The following CTNNA3 variants were observed in gnomAD, a reference collection of about 807,000 sequenced individuals.
CTNNA3 encodes catenin alpha 3, also known as catenin alpha-3.
A neutral mutation model predicts 95.7 loss-of-function variants in CTNNA3; 76 were observed. The ratio of observed to expected loss-of-function variants is 0.79; its 90% CI spans 0.66 to 0.96. CTNNA3 has a LOEUF of 0.96. Among genes scored for constraint, CTNNA3 ranks in the 40% least tolerant of loss-of-function variants. The pLI, the probability that CTNNA3 is intolerant of heterozygous loss-of-function variation, is 0.00. For synonymous variants in CTNNA3, 431 were observed against 374.4 expected, an observed-to-expected ratio of 1.15 and a Z score of -1.74; for missense variants, 1,191 against 1,089.8, an observed-to-expected ratio of 1.09 and a Z score of -1.31.
chr10:66,091,898 A>T (rs10822713), intron 14 of CTNNA3, among the ~76,000 whole-genome samples: 35,607 of 151,740 alleles, frequency 0.23, 4,322 homozygotes, highest in South Asian at 0.36. Flanking sequence ...GTTGCAAAAT[A>T]ATAATATAAA....
chr10:66,536,481 C>CAA (rs10676331), intron 10 of CTNNA3, among the ~76,000 whole-genome samples: 76,286 of 115,672 alleles, frequency 0.66, 26,254 homozygotes, highest in Non-Finnish European at 0.8. Flanking sequence ...GACTCTGTCT[C>CAA]AAAAAAAAAA....
chr10:66,339,787 A>G (rs1417389147), intron 12 of CTNNA3, among the ~76,000 whole-genome samples: 5 of 151,858 alleles, frequency 3.3e-5, no homozygotes, highest in African/African-American at 9.7e-5. Context: ...TGTTAATTCT[A>G]GTAACTAGAC....
intron 11 of CTNNA3, among the ~76,000 whole-genome samples, chr10:66,454,808 G>A (rs933922684): frequency 2.1e-4 from 30 of 145,428 alleles, no homozygotes; most frequent in African/African-American, 7.6e-4. Flanking sequence ...AATGAGAGGA[G>A]GGAGAGGAGG....
chr10:67,688,899 C>T (rs546586478), intron 1 of CTNNA3, among the ~76,000 whole-genome samples: 20 of 152,226 alleles, frequency 1.3e-4, no homozygotes, highest in African/African-American at 2.6e-4. Context: ...TGCTCACCGA[C>T]GCAGCATCAG....
intron 7 of CTNNA3, among the ~76,000 whole-genome samples, chr10:66,969,363 C>T (rs1358183180): frequency 1.3e-5 from 2 of 151,914 alleles, no homozygotes; most frequent in Non-Finnish European, 2.9e-5. Flanking sequence ...TTTTAATGGC[C>T]TCATATCGTT....
intron 1 of CTNNA3, among the ~76,000 whole-genome samples, chr10:67,753,817 G>A (rs1245195414): frequency 6.6e-6 from 1 of 152,178 alleles, no homozygotes; most frequent in Non-Finnish European, 1.5e-5. Flanking sequence ...AGAAACAACA[G>A]ATGCTGGCAA....
intron 7 of CTNNA3, among the ~76,000 whole-genome samples, chr10:66,792,591 T>C (rs545536799): frequency 5.9e-5 from 9 of 152,286 alleles, no homozygotes; most frequent in African/African-American, 1.4e-4. Context: ...GCATTTTCTG[T>C]TCTTTTGCTT....
Position 67,479,478 on chromosome 10 carries a change from TAAAC to T in CTNNA3, c.579+42360_579+42363del, listed in dbSNP as rs549717554. On this transcript the variant is annotated intron_variant, in intron 5 of 17. Transcript: ENST00000433211. ...CAAAACCACACAAGTATATTAAAAT[TAAAC>T]AACTTGCTTCTAAATGACTTTTGGG... is the stretch of plus-strand genomic sequence containing the variant. 3.8e-3 allele frequency among the ~76,000 whole-genome samples: 572 copies of T among 152,242 alleles called. 2 individuals are homozygous for T. The highest frequency in any genetic ancestry group is 0.013 in the African/African-American group (549 of 41,536).
chr10:67,255,744 C>T (rs1788663885), intron 5 of CTNNA3, among the ~76,000 whole-genome samples: 1 of 152,184 alleles, frequency 6.6e-6, no homozygotes, highest in African/African-American at 2.4e-5. Flanking sequence ...CCAGTAAGAA[C>T]TGAAAACCTT....
At chr10:66,936,319 T>TAA (rs769018840) in intron 7 of CTNNA3, among the ~76,000 whole-genome samples, 6 of 149,932 alleles carry the variant, frequency 4.0e-5, no homozygotes, top group African/African-American at 1.5e-4. Flanking sequence ...TTCTTAATGT[T>TAA]AAAAAAAAAA....
At chr10:67,664,028 C>G (rs1490803715) in intron 1 of CTNNA3, among the ~76,000 whole-genome samples, 1 of 152,102 alleles carries the variant, frequency 6.6e-6, no homozygotes. Context: ...TTTGACCTTA[C>G]TGAAGTTGAA....
intron 11 of CTNNA3, among the ~76,000 whole-genome samples, chr10:66,438,336 G>A (rs1380936433): frequency 1.3e-5 from 2 of 152,196 alleles, no homozygotes; most frequent in Non-Finnish European, 2.9e-5. Context: ...CCAGGGAGTT[G>A]AGAGTTTTAT....
At chr10:67,318,279 A>T (rs1841152476) in intron 5 of CTNNA3, among the ~76,000 whole-genome samples, 1 of 152,174 alleles carries the variant, frequency 6.6e-6, no homozygotes, top group South Asian at 2.1e-4. Context: ...CCTAATCTTG[A>T]TGGAAAGATT....
chr10:67,417,204 A>C (rs1249553200), intron 5 of CTNNA3, among the ~76,000 whole-genome samples: 1 of 152,186 alleles, frequency 6.6e-6, no homozygotes, highest in East Asian at 1.9e-4. Context: ...GGAACATATA[A>C]CCAAATACCA....
chr10:66,154,366 C>T (rs1372998618), intron 13 of CTNNA3, among the ~76,000 whole-genome samples: 1 of 151,744 alleles, frequency 6.6e-6, no homozygotes, highest in Non-Finnish European at 1.5e-5. Context: ...AATATACCTA[C>T]TACCCACCCT....
At chr10:67,502,442 G>A (rs1564697424) in intron 5 of CTNNA3, among the ~76,000 whole-genome samples, 1 of 152,166 alleles carries the variant, frequency 6.6e-6, no homozygotes, top group Non-Finnish European at 1.5e-5. Context: ...CAGGAGGCAT[G>A]GGGGTCAGGG....
At position 67,078,090 on chromosome 10, in the gene CTNNA3, C is replaced by G. The variant is rs1856827887; in HGVS notation, c.1047+102227G>C. On this transcript the variant is annotated intron_variant, in intron 7 of 17. Coordinates refer to ENST00000433211, the MANE Select transcript of CTNNA3 (RefSeq NM_013266.4). ...TTGGACCAAGTCAATCCCAGTTACC[C>G]AAACTTCAGTCAGCTTAACAGCTCT... Among the ~76,000 whole-genome samples, 5 of 152,186 alleles carry G rather than the reference C, an allele frequency of 3.3e-5. No homozygotes were observed. In the South Asian group the frequency reaches 1.0e-3, roughly 32 times the overall value.
intron 13 of CTNNA3, among the ~76,000 whole-genome samples, chr10:66,132,043 T>C (rs1461927015): frequency 6.6e-6 from 1 of 152,012 alleles, no homozygotes. Context: ...AAGCAAAAAT[T>C]GACAAATAAG....
At chr10:66,229,898 C>A (rs1464206868) in intron 13 of CTNNA3, among the ~76,000 whole-genome samples, 1 of 151,882 alleles carries the variant, frequency 6.6e-6, no homozygotes, top group Non-Finnish European at 1.5e-5. Context: ...TATAGAGTTT[C>A]TTCATTCTTT....
Sources: gnomAD v4.1 joint callset for allele counts (sites outside exome capture counted in the v4.1 genomes callset) on GRCh38, gnomAD v4.1.1 for gene constraint, MANE v1.5 for transcripts, NCBI Gene and HGNC (gene_info 2026-07-23, HGNC 2026-07-21) for gene names.